The following ATG10 variants were observed in gnomAD, a reference collection of about 807,000 sequenced individuals.
The protein encoded by ATG10 is autophagy related 10.
Under a neutral mutation model 32.1 loss-of-function variants are expected in ATG10, and 30 were observed. The observed-to-expected ratio is 0.94, with a 90% CI of 0.70 to 1.27. The LOEUF is 1.27. ATG10 is among the 50% of genes most tolerant of loss of function. ATG10 has a pLI of 0.00. For missense variants in ATG10, 233 were observed against 262.3 expected (o/e 0.89, Z 0.77); for synonymous variants, 87 against 91.5 (o/e 0.95, Z 0.28).
rs1313992640 is a variant in ATG10 at position 82,255,903 on chromosome 5, C to G, written c.*1840C>G. The G allele has an allele frequency of 6.6e-6, 1 of 152,208 alleles. No individual in the cohort carries two copies. The highest frequency in any genetic ancestry group is 1.5e-5 in the Non-Finnish European group (1 of 68,042). The allele number at this position is 152,208 out of a possible 1,614,324, so 9.4% of individuals were successfully genotyped here. On this transcript the variant is annotated 3_prime_UTR_variant, in exon 8 of 8. Transcript: ENST00000282185. ...GAAGTAGAGAAAGGGTTAATTCAAA[C>G]TGCTAGAAAAGCTAAAAGTAAATTT...
chr5:81,978,740 A>C (rs1309610138), intron 1 of ATG10, among the ~76,000 whole-genome samples: 1 of 152,132 alleles, frequency 6.6e-6, no homozygotes, highest in Non-Finnish European at 1.5e-5. Context: ...AGCTCACTGC[A>C]ACCTTGAATT....
At chr5:82,043,697 T>C (rs1458518563) in intron 2 of ATG10, among the ~76,000 whole-genome samples, 2 of 152,212 alleles carry the variant, frequency 1.3e-5, no homozygotes, top group Non-Finnish European at 2.9e-5. Flanking sequence ...AAACTTCTCT[T>C]GCCAGATACC....
chr5:82,053,101 G>A (rs1763479928), intron 2 of ATG10, among the ~76,000 whole-genome samples: 1 of 152,112 alleles, frequency 6.6e-6, no homozygotes, highest in African/African-American at 2.4e-5. Flanking sequence ...CCCTGCCCCA[G>A]CAATGTATGA....
At position 82,102,487 on chromosome 5, in the gene ATG10, G is replaced by A. The variant is rs570628680; in HGVS notation, c.216+43885G>A. Among the ~76,000 whole-genome samples the A allele has an allele frequency of 3.9e-5, 6 of 152,202 alleles. No homozygotes were observed. In the South Asian group the frequency reaches 1.0e-3, roughly 26 times the overall value. On this transcript the variant is annotated intron_variant, in intron 3 of 7. Transcript: ENST00000282185. ...TAAGTAAACACAATAGTTATTGAAT[G>A]TCTACTCCAATAGAAACAGAAGGAG...
chr5:82,002,864 T>G (rs1761888246), intron 2 of ATG10, among the ~76,000 whole-genome samples: 1 of 152,186 alleles, frequency 6.6e-6, no homozygotes, highest in Non-Finnish European at 1.5e-5. Flanking sequence ...GGCAAAATAA[T>G]GTGTACACCA....
At chr5:82,197,709 T>C (rs1217665666) in intron 5 of ATG10, among the ~76,000 whole-genome samples, 1 of 144,182 alleles carries the variant, frequency 6.9e-6, no homozygotes, top group Non-Finnish European at 1.5e-5. Context: ...TTATTTTCTT[T>C]CTTTCTTTCT....
At chr5:82,206,789 C>T (rs189057129) in intron 5 of ATG10, among the ~76,000 whole-genome samples, 3 of 152,148 alleles carry the variant, frequency 2.0e-5, no homozygotes. Context: ...CTCCCAATCA[C>T]TTTCTCTCCC....
At chr5:82,077,468 G>A (rs1383838225) in intron 3 of ATG10, among the ~76,000 whole-genome samples, 1 of 152,096 alleles carries the variant, frequency 6.6e-6, no homozygotes, top group Non-Finnish European at 1.5e-5. Context: ...AATATTTTGT[G>A]GGTTTTTGGA....
At chr5:82,214,657 C>T (rs1745608479) in intron 5 of ATG10, among the ~76,000 whole-genome samples, 1 of 152,126 alleles carries the variant, frequency 6.6e-6, no homozygotes, top group Non-Finnish European at 1.5e-5. Flanking sequence ...GGACTTTAGG[C>T]CCCTTGCAGC....
intron 1 of ATG10, among the ~76,000 whole-genome samples, chr5:81,986,851 C>T (rs1433240783): frequency 6.6e-6 from 1 of 152,102 alleles, no homozygotes; most frequent in African/African-American, 2.4e-5. Context: ...TAGGACCAGC[C>T]TGGCCAACAT....
chr5:82,130,286 G>A (rs1219912480), intron 3 of ATG10, among the ~76,000 whole-genome samples: 2 of 152,132 alleles, frequency 1.3e-5, no homozygotes, highest in African/African-American at 2.4e-5. Context: ...GTGCTCCGTG[G>A]TGGTGGGATC....
intron 1 of ATG10, among the ~76,000 whole-genome samples, chr5:81,975,363 CTG>C (rs1760839702): frequency 6.6e-6 from 1 of 152,150 alleles, no homozygotes; most frequent in African/African-American, 2.4e-5. Flanking sequence ...AAGGCAAAGA[CTG>C]TATTATACTT....
At chr5:82,090,713 A>G (rs1581680703) in intron 3 of ATG10, among the ~76,000 whole-genome samples, 2 of 152,176 alleles carry the variant, frequency 1.3e-5, no homozygotes, top group Non-Finnish European at 1.5e-5. Flanking sequence ...ACTGCACTGT[A>G]TCAGTGCAAA....
chr5:82,145,458 C>G (rs1252477065), intron 3 of ATG10, among the ~76,000 whole-genome samples: 1 of 151,840 alleles, frequency 6.6e-6, no homozygotes, highest in East Asian at 1.9e-4. Flanking sequence ...GATATACATC[C>G]TTAATTTTTT....
chr5:82,152,814 T>G (rs1316305469), intron 3 of ATG10, among the ~76,000 whole-genome samples: 1 of 152,194 alleles, frequency 6.6e-6, no homozygotes, highest in African/African-American at 2.4e-5. Flanking sequence ...CATATTAGGG[T>G]TGAGTGCTTA....
intron 3 of ATG10, among the ~76,000 whole-genome samples, chr5:82,107,706 C>T (rs1031655966): frequency 2.6e-5 from 4 of 151,858 alleles, no homozygotes; most frequent in African/African-American, 4.8e-5. Context: ...AGACTTGATG[C>T]GTGATGGAGA....
At chr5:82,016,241 T>C (rs1420483299) in intron 2 of ATG10, among the ~76,000 whole-genome samples, 3 of 152,208 alleles carry the variant, frequency 2.0e-5, no homozygotes, top group African/African-American at 4.8e-5. Flanking sequence ...GATCCATCTT[T>C]AGTTGATTTT....
chr5:82,167,415 G>A (rs188721619), intron 4 of ATG10, among the ~76,000 whole-genome samples: 100 of 152,232 alleles, frequency 6.6e-4, no homozygotes, highest in African/African-American at 2.4e-3. Flanking sequence ...TTCAGCTGTG[G>A]CACAGCATCA....
At chr5:82,167,663 G>A (rs983854589) in intron 4 of ATG10, among the ~76,000 whole-genome samples, 3 of 152,124 alleles carry the variant, frequency 2.0e-5, no homozygotes, top group Non-Finnish European at 2.9e-5. Context: ...AACATCCTGA[G>A]GACTCAAAAG....
Sources: gnomAD v4.1 joint callset for allele counts (sites outside exome capture counted in the v4.1 genomes callset) on GRCh38, gnomAD v4.1.1 for gene constraint, MANE v1.5 for transcripts, NCBI Gene and HGNC (gene_info 2026-07-23, HGNC 2026-07-21) for gene names.